The following NUP210L variants were observed in gnomAD, a reference collection of about 807,000 sequenced individuals.
The protein encoded by NUP210L is nuclear pore membrane glycoprotein 210-like.
In NUP210L, 74 loss-of-function variants were observed where a neutral mutation model predicts 208.5. The ratio of observed to expected loss-of-function variants is 0.35; its 90% confidence interval spans 0.29 to 0.43. The LOEUF (loss-of-function observed/expected upper bound fraction) is 0.43. Ranked by LOEUF, NUP210L falls within the 20% of genes least tolerant of loss-of-function variation. The probability of loss-of-function intolerance (pLI) is 1.00; values close to 1 mark genes in which losing one functional copy is unlikely to be tolerated. For synonymous variants in NUP210L, 780 were observed against 816.9 expected, an observed-to-expected ratio of 0.95 and a Z score of 0.77; for missense variants, 1,843 against 2,289.4, an observed-to-expected ratio of 0.81 and a Z score of 3.98.
chr1:153,995,588 A>G, intron 37 of NUP210L: 1 of 788,566 alleles, frequency 1.3e-6, no homozygotes, highest in Non-Finnish European at 2.2e-6. Flanking sequence ...AATGCTGGTT[A>G]CCACTTCTTC....
At chr1:154,071,600 G>T (rs1303976951) in intron 16 of NUP210L, among the ~76,000 whole-genome samples, 1 of 144,366 alleles carries the variant, frequency 6.9e-6, no homozygotes, top group African/African-American at 2.6e-5. Flanking sequence ...TCCCATCCAG[G>T]TTGCTGCAAA....
At chr1:153,994,569 C>A (rs534349185) in intron 38 of NUP210L, among the ~76,000 whole-genome samples, 40 of 151,890 alleles carry the variant, frequency 2.6e-4, no homozygotes, top group Middle Eastern at 3.4e-3. Context: ...GCCTTGGCCT[C>A]CCAAAGTGCT....
chr1:154,071,056 T>G (rs544862898), intron 16 of NUP210L, among the ~76,000 whole-genome samples: 1 of 152,054 alleles, frequency 6.6e-6, no homozygotes, highest in South Asian at 2.1e-4. Context: ...ATTGAATTTT[T>G]TGTAAAGTCC....
At chr1:154,100,943 C>A (rs1050768878) in intron 13 of NUP210L, among the ~76,000 whole-genome samples, 1 of 151,918 alleles carries the variant, frequency 6.6e-6, no homozygotes, top group African/African-American at 2.4e-5. Context: ...AAGGCCGAGG[C>A]GGGTGGATCA....
chr1:154,126,355 T>C, exon 10 of NUP210L: 2 of 1,613,434 alleles, frequency 1.2e-6, no homozygotes, highest in Non-Finnish European at 1.7e-6. Context: ...GATGCATTTA[T>C]TACCACAACA....
intron 16 of NUP210L, among the ~76,000 whole-genome samples, chr1:154,087,976 C>T (rs1236192382): frequency 1.3e-5 from 2 of 152,020 alleles, no homozygotes; most frequent in African/African-American, 4.8e-5. Context: ...GAGTTTCTTC[C>T]GGAGAAAATG....
chr1:154,068,990 A>AAAAG (rs1029677709), intron 17 of NUP210L, among the ~76,000 whole-genome samples: 6 of 152,080 alleles, frequency 3.9e-5, no homozygotes. Flanking sequence ...ATAAAATAAA[A>AAAAG]AAAGAAAGAA....
At chr1:154,069,025 C>T (rs375448260) in intron 17 of NUP210L, among the ~76,000 whole-genome samples, 8 of 152,022 alleles carry the variant, frequency 5.3e-5, no homozygotes, top group South Asian at 2.1e-4. Flanking sequence ...CCCTTCCTTA[C>T]GCCTTATACA....
intron 27 of NUP210L, among the ~76,000 whole-genome samples, chr1:154,036,201 C>T (rs559125297): frequency 6.5e-4 from 98 of 151,876 alleles, no homozygotes; most frequent in African/African-American, 2.1e-3. Context: ...CAAAATTCCT[C>T]GTTACTAATT....
intron 35 of NUP210L, among the ~76,000 whole-genome samples, chr1:154,003,656 C>T (rs558853428): frequency 1.9e-4 from 29 of 152,016 alleles, no homozygotes; most frequent in African/African-American, 6.5e-4. Flanking sequence ...CCATGCCTGG[C>T]TATTTTATTT....
chr1:154,139,683 C>T, intron 5 of NUP210L, 119 bp downstream of exon 5: 1 of 761,324 alleles, frequency 1.3e-6, no homozygotes. Flanking sequence ...AACAAACAAA[C>T]AAACAAAAAA....
At chr1:154,143,509 C>T (rs778948913) in exon 3 of NUP210L, 6 of 1,613,750 alleles carry the variant, frequency 3.7e-6, no homozygotes, top group Admixed American at 3.3e-5. Context: ...AGTTCCCGGG[C>T]CCGAGATACA....
At chr1:154,037,988 T>G (rs1469678571) in intron 27 of NUP210L, among the ~76,000 whole-genome samples, 1 of 152,066 alleles carries the variant, frequency 6.6e-6, no homozygotes, top group African/African-American at 2.4e-5. Context: ...AATAAGAACT[T>G]TTCCTGCCAT....
intron 37 of NUP210L, among the ~76,000 whole-genome samples, chr1:153,998,458 GGGA>G (rs1279239705): frequency 6.6e-6 from 1 of 151,670 alleles, no homozygotes; most frequent in Admixed American, 6.6e-5. Flanking sequence ...GGGAGGCTGA[GGGA>G]GGAGAATTGC....
chr1:154,108,468 T>TCAAC (rs1557982146), intron 12 of NUP210L, among the ~76,000 whole-genome samples: 2 of 151,850 alleles, frequency 1.3e-5, no homozygotes, highest in African/African-American at 4.9e-5. Context: ...GCAACCAGCC[T>TCAAC]AGAGTTTTGA....
At chr1:154,131,387 G>A (rs1269826051) in intron 7 of NUP210L, among the ~76,000 whole-genome samples, 1 of 151,912 alleles carries the variant, frequency 6.6e-6, no homozygotes, top group Non-Finnish European at 1.5e-5. Context: ...TCATTCTTCT[G>A]ATATCGGAAT....
At chr1:154,146,931 C>T (rs1411504337) in intron 2 of NUP210L, among the ~76,000 whole-genome samples, 3 of 152,090 alleles carry the variant, frequency 2.0e-5, no homozygotes, top group Non-Finnish European at 4.4e-5. Flanking sequence ...TCAAGTGATC[C>T]TCCCACCTCA....
At chr1:154,015,207 C>T (rs1651167305) in intron 33 of NUP210L, among the ~76,000 whole-genome samples, 1 of 151,606 alleles carries the variant, frequency 6.6e-6, no homozygotes. Flanking sequence ...TGCTCTCCCT[C>T]CCTCCATGCC....
At chr1:154,104,315 T>C (rs1407762535) in intron 12 of NUP210L, 105 bp from the exon 13 acceptor site, 2 of 815,716 alleles carry the variant, frequency 2.5e-6, no homozygotes, top group Non-Finnish European at 4.1e-6. Flanking sequence ...TTGTCCTCCC[T>C]GCAGGAACAC....
Sources: allele counts gnomAD v4.1 joint callset (sites outside exome capture counted in the v4.1 genomes callset), GRCh38; gene constraint gnomAD v4.1.1; transcripts MANE v1.5; gene names NCBI Gene and HGNC (gene_info 2026-07-23, HGNC 2026-07-21).